The following STAC variants were observed in gnomAD, a reference collection of about 807,000 sequenced individuals.
The protein encoded by STAC is SH3 and cysteine rich domain.
STAC carries 43 observed loss-of-function variants against 48.8 expected under a neutral mutation model. That is an observed-to-expected ratio of 0.88 (90% CI 0.69 to 1.14). The LOEUF is 1.14. Among genes scored for constraint, STAC ranks in the 50% most tolerant of loss-of-function variants. The pLI is 0.00. For missense variants in STAC, 497 were observed against 504.0 expected, an observed-to-expected ratio of 0.99 and a Z score of 0.13; for synonymous variants, 193 against 179.5, an observed-to-expected ratio of 1.07 and a Z score of -0.60.
chr3:36,512,084 G>A (rs1290244447), intron 8 of STAC, among the ~76,000 whole-genome samples: 1 of 152,108 alleles, frequency 6.6e-6, no homozygotes, highest in Non-Finnish European at 1.5e-5. Context: ...AAAAGTTTGG[G>A]GGCCTGAGTC....
intron 2 of STAC, among the ~76,000 whole-genome samples, chr3:36,444,894 G>C (rs1250666075): frequency 6.6e-6 from 1 of 152,110 alleles, no homozygotes; most frequent in Non-Finnish European, 1.5e-5. Flanking sequence ...TTGCTGGGCC[G>C]GGGGCGATGG....
chr3:36,404,031 C>T (rs781047159), intron 1 of STAC, among the ~76,000 whole-genome samples: 1 of 152,114 alleles, frequency 6.6e-6, no homozygotes, highest in Non-Finnish European at 1.5e-5. Context: ...AAATACAAAA[C>T]ACAAATTCCA....
chr3:36,391,475 T>C (rs1699750764), intron 1 of STAC, among the ~76,000 whole-genome samples: 2 of 152,226 alleles, frequency 1.3e-5, no homozygotes, highest in Non-Finnish European at 1.5e-5. Flanking sequence ...TGCTGCCCTT[T>C]GGACAGTCTC....
intron 1 of STAC, among the ~76,000 whole-genome samples, chr3:36,391,180 C>T (rs528963445): frequency 1.3e-5 from 2 of 152,298 alleles, no homozygotes; most frequent in East Asian, 1.9e-4. Context: ...CTCCACCTTA[C>T]CAAAAGAAAG....
chr3:36,504,554 C>G, intron 7 of STAC, 97 bp downstream of exon 7: 1 of 946,794 alleles, frequency 1.1e-6, no homozygotes, highest in South Asian at 1.4e-5. Context: ...TTTAGTGAGT[C>G]CAGACCAGCA....
rs1358369001 is a variant in STAC, at chr3:36,505,750, C to G, written c.836C>G (p.Ser279Cys). 2 of 1,583,584 alleles carry G rather than the reference C, an allele frequency of 1.3e-6. No homozygotes were observed. Among genetic ancestry groups the G allele is most frequent in the Admixed American group, 1.8e-5 (1 of 54,862 alleles). Residue 279 changes from serine (S) to cysteine (C), a missense_variant, in exon 8 of 11, where the codon TCT becomes TGT. Transcript: ENST00000273183. ...DPAKNINHQG[S>C]LSKDPLQMNT... ...TTCTTTTATTTTCTCTTTCAGGGATCTCTTTCCAAAGACCCATTACAGATG... is the reference window on the plus strand; with the variant it reads ...TTCTTTTATTTTCTCTTTCAGGGATGTCTTTCCAAAGACCCATTACAGATG...
At chr3:36,538,602 G>A (rs757360879) in intron 10 of STAC, among the ~76,000 whole-genome samples, 4 of 152,186 alleles carry the variant, frequency 2.6e-5, no homozygotes, top group East Asian at 1.9e-4. Context: ...CAGAAAGGTC[G>A]TGCCAACTTA....
At chr3:36,469,086 T>C (rs143491343) in intron 2 of STAC, among the ~76,000 whole-genome samples, 1,671 of 152,290 alleles carry the variant, frequency 0.011, 89 homozygotes, top group Admixed American at 0.086. Context: ...GTCATTTACA[T>C]TCAATGTTGG....
intron 2 of STAC, among the ~76,000 whole-genome samples, chr3:36,459,913 T>C (rs754679942): frequency 6.6e-6 from 1 of 152,122 alleles, no homozygotes; most frequent in Non-Finnish European, 1.5e-5. Context: ...AGTAACATTG[T>C]TTAAACTCTC....
At chr3:36,398,327 G>GC (rs1699900287) in intron 1 of STAC, among the ~76,000 whole-genome samples, 23 of 115,256 alleles carry the variant, frequency 2.0e-4, no homozygotes, top group Non-Finnish European at 3.2e-4. Flanking sequence ...AAGCAAGAAA[G>GC]AAAGAAAGAA....
At chr3:36,495,057 A>T (rs568875971) in intron 6 of STAC, among the ~76,000 whole-genome samples, 2 of 152,128 alleles carry the variant, frequency 1.3e-5, no homozygotes, top group Admixed American at 1.3e-4. Context: ...CGCTGGAAAC[A>T]TTTGGTCCTT....
At chr3:36,395,298 G>A (rs1242102399) in intron 1 of STAC, among the ~76,000 whole-genome samples, 1 of 152,212 alleles carries the variant, frequency 6.6e-6, no homozygotes, top group Non-Finnish European at 1.5e-5. Flanking sequence ...CACTAAGGTT[G>A]TAATAGTGAA....
intron 10 of STAC, 65 bp from the exon 11 acceptor site, chr3:36,546,126 G>T (rs759312664): frequency 7.3e-7 from 1 of 1,363,052 alleles, no homozygotes; most frequent in Non-Finnish European, 1.0e-6. Flanking sequence ...GATTCAAGCT[G>T]CAGGTTCTAA....
At chr3:36,544,621 G>T (rs1353551769) in intron 10 of STAC, among the ~76,000 whole-genome samples, 1 of 152,008 alleles carries the variant, frequency 6.6e-6, no homozygotes, top group African/African-American at 2.4e-5. Context: ...ACTATGTTGG[G>T]CATGTATTTA....
chr3:36,528,481 A>G (rs948175614), intron 8 of STAC, among the ~76,000 whole-genome samples: 2 of 151,888 alleles, frequency 1.3e-5, no homozygotes, highest in Non-Finnish European at 1.5e-5. Flanking sequence ...AAAAAAAAAA[A>G]AGAGTTATTT....
chr3:36,430,343 T>C (rs1230817466), intron 1 of STAC, among the ~76,000 whole-genome samples: 1 of 152,128 alleles, frequency 6.6e-6, no homozygotes, highest in Non-Finnish European at 1.5e-5. Flanking sequence ...TTGAGCTCTA[T>C]GTGGAGAAGT....
chr3:36,410,414 T>C (rs770323923), intron 1 of STAC, among the ~76,000 whole-genome samples: 36 of 152,324 alleles, frequency 2.4e-4, no homozygotes, highest in Non-Finnish European at 2.9e-4. Flanking sequence ...GATTCTTTCT[T>C]TAAATTATCT....
At chr3:36,467,430 T>G (rs1401263227) in intron 2 of STAC, among the ~76,000 whole-genome samples, 2 of 152,266 alleles carry the variant, frequency 1.3e-5, no homozygotes, top group Middle Eastern at 3.4e-3. Flanking sequence ...TACCAATTCT[T>G]TGAATGTCTC....
chr3:36,525,444 G>A (rs1018778553), intron 8 of STAC, among the ~76,000 whole-genome samples: 1 of 152,004 alleles, frequency 6.6e-6, no homozygotes, highest in African/African-American at 2.4e-5. Flanking sequence ...CCACCTCTAG[G>A]CACAGCCAAG....
Sources: gnomAD v4.1 joint callset for allele counts (sites outside exome capture counted in the v4.1 genomes callset) on GRCh38, gnomAD v4.1.1 for gene constraint, MANE v1.5 for transcripts, NCBI Gene and HGNC (gene_info 2026-07-23, HGNC 2026-07-21) for gene names.